The following COL22A1 variants were observed in gnomAD, a reference collection of about 807,000 sequenced individuals.
The protein encoded by COL22A1 is collagen alpha-1(XXII) chain.
A neutral mutation model predicts 248.9 loss-of-function variants in COL22A1; 221 were observed. That is an observed-to-expected ratio of 0.89 (90% confidence interval 0.80 to 0.99). The LOEUF (loss-of-function observed/expected upper bound fraction) is 0.99, where lower values mean the gene tolerates loss of function less well. Among genes scored for constraint, COL22A1 ranks in the 50% least tolerant of loss-of-function variants. The probability of loss-of-function intolerance (pLI) is 0.00; values close to 1 mark genes in which losing one functional copy is unlikely to be tolerated. For missense variants in COL22A1, 2,240 were observed against 2,179.0 expected (o/e 1.03, Z -0.56); for synonymous variants, 891 against 793.4 (o/e 1.12, Z -2.07).
chr8:138,606,160 G>A (rs2131853252), intron 58 of COL22A1, among the ~76,000 whole-genome samples: 1 of 152,308 alleles, frequency 6.6e-6, no homozygotes, highest in Admixed American at 6.5e-5. Flanking sequence ...ACTTTCCTAA[G>A]ATCTCATGAT....
At chr8:138,830,022 A>T (rs376869383) in intron 5 of COL22A1, among the ~76,000 whole-genome samples, 19 of 152,370 alleles carry the variant, frequency 1.2e-4, no homozygotes, top group East Asian at 1.2e-3. Flanking sequence ...ACATATGTGT[A>T]TCAGTCATTT....
chr8:138,776,665 C>A (rs535971671), intron 15 of COL22A1, among the ~76,000 whole-genome samples: 18 of 151,882 alleles, frequency 1.2e-4, no homozygotes, highest in Non-Finnish European at 2.1e-4. Flanking sequence ...GATCCTCTTA[C>A]CATGCGTCAC....
intron 1 of COL22A1, among the ~76,000 whole-genome samples, chr8:138,885,024 A>G (rs1332428706): frequency 6.6e-6 from 1 of 152,146 alleles, no homozygotes; most frequent in Non-Finnish European, 1.5e-5. Flanking sequence ...ACGCACACAC[A>G]CACACACACG....
chr8:138,909,903 C>G (rs1379485320), intron 1 of COL22A1, among the ~76,000 whole-genome samples: 1 of 152,172 alleles, frequency 6.6e-6, no homozygotes, highest in East Asian at 1.9e-4. Context: ...AATACCAATG[C>G]CCTCTGACCC....
At chr8:138,664,210 C>T (rs1338828671) in intron 41 of COL22A1, among the ~76,000 whole-genome samples, 8 of 23,772 alleles carry the variant, frequency 3.4e-4, no homozygotes, top group Non-Finnish European at 8.6e-4. Context: ...CGCGCGCGCG[C>T]ACACACACAC....
At chr8:138,883,043 G>A in intron 2 of COL22A1, 39 bp downstream of exon 2, 1 of 1,517,604 alleles carries the variant, frequency 6.6e-7, no homozygotes, top group South Asian at 1.2e-5. Flanking sequence ...TGTCTGCTCT[G>A]TCCCCAGCAC....
intron 11 of COL22A1, among the ~76,000 whole-genome samples, chr8:138,800,360 T>C (rs1816895414): frequency 6.6e-6 from 1 of 152,212 alleles, no homozygotes; most frequent in Non-Finnish European, 1.5e-5. Context: ...ATTTAGGCTC[T>C]GGAACTCCAG....
intron 53 of COL22A1, among the ~76,000 whole-genome samples, chr8:138,618,404 T>C (rs1819503053): frequency 6.6e-6 from 1 of 152,220 alleles, no homozygotes; most frequent in Admixed American, 6.5e-5. Flanking sequence ...AGTTGACAGA[T>C]GGGTCTTGCC....
At chr8:138,684,660 G>T (rs1359822587) in intron 38 of COL22A1, among the ~76,000 whole-genome samples, 191 bp from the exon 39 acceptor site, 2 of 152,148 alleles carry the variant, frequency 1.3e-5, no homozygotes, top group Non-Finnish European at 2.9e-5. Flanking sequence ...TTCCGACTCT[G>T]CCTCCTACTG....
Position 138,645,210 on chromosome 8 carries a change from G to GA in COL22A1, c.3501+1418dup, listed in dbSNP as rs1822095465. ...GATGCTAATGAGACATGTGACGTACGAACAAACATGTACAGCTACTGCACA... is the reference window on the plus strand; with the variant it reads ...GATGCTAATGAGACATGTGACGTACGAAACAAACATGTACAGCTACTGCACA... On this transcript the variant is annotated intron_variant, in intron 47 of 64. Coordinates refer to ENST00000303045, the MANE Select transcript of COL22A1 (RefSeq NM_152888.3). Among the ~76,000 whole-genome samples, 6 of 152,228 alleles carry GA rather than the reference G, an allele frequency of 3.9e-5. No individual in the cohort carries two copies. In the South Asian group the frequency reaches 1.2e-3, roughly 32 times the overall value.
At chr8:138,812,024 G>A in intron 8 of COL22A1, 103 bp from the exon 9 acceptor site, 1 of 1,352,746 alleles carries the variant, frequency 7.4e-7, no homozygotes, top group Non-Finnish European at 9.9e-7. Flanking sequence ...GGCAGCCAAA[G>A]GTTGAGAAAA....
rs560673312 is a variant in COL22A1, at chr8:138,878,187, C to T, written c.221G>A (p.Arg74His). The T allele has an allele frequency of 3.1e-6, 5 of 1,600,884 alleles. No individual in the cohort carries two copies. Among genetic ancestry groups the T allele is most frequent in the Admixed American group, 3.4e-5 (2 of 57,974 alleles). Residue 74 changes from arginine to histidine, a missense_variant, in exon 3 of 65, where the codon CGC (arginine) becomes CAC (histidine). Arg to His is a conservative substitution (Grantham distance 29). Transcript: ENST00000303045. The part of the protein sequence containing the change: ...LVDTFEVGPD[R>H]TRVGVVRYSD... ...GTAGCGCACGACCCCCACACGGGTG[C>T]GGTCGGGGCCCACCTCGAAGGTGTC...
At chr8:138,646,839 G>T (rs752716598) in intron 46 of COL22A1, among the ~76,000 whole-genome samples, 157 bp from the exon 47 acceptor site, 1 of 152,198 alleles carries the variant, frequency 6.6e-6, no homozygotes, top group Admixed American at 6.5e-5. Context: ...TGAGCAAAGG[G>T]TATAGGCAAG....
chr8:138,682,229 G>C (rs1429050205), intron 39 of COL22A1, among the ~76,000 whole-genome samples: 1 of 151,522 alleles, frequency 6.6e-6, no homozygotes, highest in African/African-American at 2.4e-5. Context: ...CAGCATGCAT[G>C]CATTCCAGAA....
In COL22A1 at chr8:138,771,407, C is replaced by T. The variant is rs186444501; in HGVS notation, c.1803+4559G>A. On this transcript the variant is annotated intron_variant, in intron 16 of 64. Transcript: ENST00000303045. ...GGCTTTCTAACAGGCCACAGGGCAT[C>T]AGGAAACACATGGCCTCTGCGCTCA... Among the ~76,000 whole-genome samples the T allele has an allele frequency of 2.2e-3, 334 of 152,342 alleles. 1 individual carries two copies. The highest frequency in any genetic ancestry group is 6.3e-3 in the African/African-American group (260 of 41,582).
At chr8:138,841,408 T>C (rs1039466609) in intron 4 of COL22A1, among the ~76,000 whole-genome samples, 5 of 152,312 alleles carry the variant, frequency 3.3e-5, no homozygotes, top group Admixed American at 3.3e-4. Flanking sequence ...CTAATTGCCC[T>C]GTGGGGCTTC....
intron 54 of COL22A1, among the ~76,000 whole-genome samples, chr8:138,616,624 C>A (rs1003868743): frequency 6.6e-6 from 1 of 152,208 alleles, no homozygotes; most frequent in African/African-American, 2.4e-5. Context: ...GCAACAACCA[C>A]CTCACAAGGC....
intron 12 of COL22A1, among the ~76,000 whole-genome samples, chr8:138,790,856 C>G (rs529603789): frequency 4.1e-5 from 6 of 147,994 alleles, no homozygotes; most frequent in Non-Finnish European, 8.9e-5. Context: ...AAACACCCTA[C>G]GTCCCTACCC....
At chr8:138,790,214 A>G (rs1428287111) in intron 12 of COL22A1, among the ~76,000 whole-genome samples, 1 of 152,218 alleles carries the variant, frequency 6.6e-6, no homozygotes, top group East Asian at 1.9e-4. Flanking sequence ...TTTTTGGTTC[A>G]TAGATGGCTG....
Sources: allele counts gnomAD v4.1 joint callset (sites outside exome capture counted in the v4.1 genomes callset), GRCh38; gene constraint gnomAD v4.1.1; transcripts MANE v1.5; gene names NCBI Gene and HGNC (gene_info 2026-07-23, HGNC 2026-07-21).